GOLM1: variants seen among roughly 807,000 people sequenced by gnomAD.
The protein encoded by GOLM1 is golgi membrane protein 1.
GOLM1 carries 31 observed loss-of-function variants against 50.5 expected under a neutral mutation model. That is an observed-to-expected ratio of 0.61 (90% CI 0.46 to 0.83). The LOEUF (loss-of-function observed/expected upper bound fraction) is 0.83. Among genes scored for constraint, GOLM1 ranks in the 40% least tolerant of loss-of-function variants. The pLI, the probability that GOLM1 is intolerant of heterozygous loss-of-function variation, is 0.00. For synonymous variants in GOLM1, 178 were observed against 192.8 expected (o/e 0.92, Z 0.64); for missense variants, 491 against 501.3 (o/e 0.98, Z 0.20).
intron 3 of GOLM1, among the ~76,000 whole-genome samples, chr9:86,053,708 C>CACACCACACACTCCACACCAGAACACACA (rs1489362007): frequency 1.0e-5 from 1 of 98,730 alleles, no homozygotes; most frequent in African/African-American, 4.2e-5. Flanking sequence ...CATCACATAC[C>CACACCACACACTCCACACCAGAACACACA]CCACCGCATC....
chr9:86,050,600 T>G (rs987372800), intron 4 of GOLM1, among the ~76,000 whole-genome samples: 34 of 152,228 alleles, frequency 2.2e-4, no homozygotes, highest in African/African-American at 7.5e-4. Flanking sequence ...GGAGGGTGTA[T>G]GTGTCCAGGA....
chr9:86,042,153 C>T (rs757372780), intron 5 of GOLM1, among the ~76,000 whole-genome samples: 5 of 152,180 alleles, frequency 3.3e-5, no homozygotes, highest in Non-Finnish European at 5.9e-5. Flanking sequence ...GGAGGACACT[C>T]GGTTGAATTG....
intron 1 of GOLM1, among the ~76,000 whole-genome samples, chr9:86,095,971 C>T (rs758398927): frequency 1.3e-5 from 2 of 152,204 alleles, no homozygotes; most frequent in African/African-American, 4.8e-5. Context: ...AGCTTTCTTA[C>T]TATTTGCATG....
At chr9:86,094,282 G>C (rs1835283153) in intron 1 of GOLM1, among the ~76,000 whole-genome samples, 1 of 152,150 alleles carries the variant, frequency 6.6e-6, no homozygotes, top group African/African-American at 2.4e-5. Context: ...GACCAACTCT[G>C]CCCATAGGGT....
At chr9:86,036,616 C>G in intron 6 of GOLM1, 109 bp from the exon 7 acceptor site, 5 of 1,112,284 alleles carry the variant, frequency 4.5e-6, no homozygotes, top group Non-Finnish European at 6.3e-6. Context: ...CCATATCCTT[C>G]CAACCAAGAC....
rs1431932983 is a variant in GOLM1, at chr9:86,040,743, T to A, written c.593A>T (p.Gln198Leu). Residue 198 changes from glutamine (Q) to leucine (L), a missense_variant, in exon 6 of 10, where the codon CAG becomes CTG. Physicochemically the swap from Gln to Leu is moderately radical, Grantham distance 113. Coordinates refer to ENST00000388712, the MANE Select transcript of GOLM1 (RefSeq NM_016548.4). Reference protein sequence around the residue: ...RDLSENNDQRQQLQALSEPQP... With the variant: ...RDLSENNDQRLQLQALSEPQP... Reference sequence around the variant, plus strand: ...TGGCAAAAATTCCCCAGTTACCTGCTGTCTCTGGTCGTTGTTTTCACTCAG... The same window carrying A: ...TGGCAAAAATTCCCCAGTTACCTGCAGTCTCTGGTCGTTGTTTTCACTCAG... The A allele has an allele frequency of 6.2e-7, 1 of 1,610,722 alleles. No individual in the cohort carries two copies. The highest frequency in any genetic ancestry group is 1.3e-5 in the African/African-American group (1 of 74,656).
At chr9:86,051,605 GA>G (rs1833754941) in intron 4 of GOLM1, among the ~76,000 whole-genome samples, 2 of 152,192 alleles carry the variant, frequency 1.3e-5, no homozygotes, top group Admixed American at 1.3e-4. Flanking sequence ...CTGCCTGAGG[GA>G]AGTGGATCAC....
In GOLM1 at chr9:86,033,368, T is replaced by C. The variant is rs1325368673; in HGVS notation, c.1043A>G (p.Glu348Gly). The change falls in exon 9 of 10, where the codon GAA becomes GGA. Residue 348 changes from glutamate (E) to glycine (G), a missense_variant. Transcript: ENST00000388712. ...EGRNQQKLRG[E>G]DDYNMDENEA... ...ATTTTCATCCATGTTGTAGTCATCT[T>C]CTCCTCTCAGTTTCTGCTGGTTTCT... 3.1e-6 allele frequency: 5 copies of C among 1,611,674 alleles called. No individual in the cohort carries two copies. Among genetic ancestry groups the C allele is most frequent in the Non-Finnish European group, 4.2e-6 (5 of 1,177,764 alleles).
intron 7 of GOLM1, among the ~76,000 whole-genome samples, chr9:86,035,898 A>AAAC (rs1833126523): frequency 6.7e-6 from 1 of 148,408 alleles, no homozygotes; most frequent in African/African-American, 2.5e-5. Context: ...AAAAAAAAAC[A>AAAC]CCTGGACTAA....
intron 3 of GOLM1, among the ~76,000 whole-genome samples, chr9:86,053,626 T>A (rs1833876918): frequency 1.4e-3 from 4 of 2,884 alleles, no homozygotes; most frequent in Non-Finnish European, 2.3e-3. Flanking sequence ...ACACCAAACA[T>A]CACTACAAAA....
At chr9:86,042,499 C>T (rs1229668812) in intron 5 of GOLM1, among the ~76,000 whole-genome samples, 1 of 151,598 alleles carries the variant, frequency 6.6e-6, no homozygotes, top group African/African-American at 2.4e-5. Flanking sequence ...GTACCACACA[C>T]AGAGAAGGGA....
At chr9:86,084,419 C>T (rs1166384406) in intron 1 of GOLM1, among the ~76,000 whole-genome samples, 1 of 152,124 alleles carries the variant, frequency 6.6e-6, no homozygotes, top group East Asian at 1.9e-4. Context: ...TAGGAGGGCA[C>T]GGCACCTCTA....
intron 3 of GOLM1, among the ~76,000 whole-genome samples, chr9:86,055,427 C>T (rs1833957360): frequency 6.6e-6 from 1 of 152,148 alleles, no homozygotes. Flanking sequence ...TCCCACAACC[C>T]CACTTGTGGG....
intron 3 of GOLM1, 60 bp downstream of exon 3, chr9:86,077,352 A>G (rs746731258): frequency 2.5e-5 from 34 of 1,359,600 alleles, no homozygotes; most frequent in Non-Finnish European, 3.6e-5. Flanking sequence ...CCAAGAAGAA[A>G]CAGACAATGT....
intron 9 of GOLM1, among the ~76,000 whole-genome samples, chr9:86,028,842 C>CTA (rs1832872972): frequency 9.4e-6 from 1 of 106,820 alleles, no homozygotes; most frequent in Non-Finnish European, 1.8e-5. Context: ...GATAAGGGAA[C>CTA]TTTTTTTTTT....
chr9:86,088,471 G>C (rs7867070), intron 1 of GOLM1, among the ~76,000 whole-genome samples: 105,039 of 129,298 alleles, frequency 0.81, 43,108 homozygotes, highest in African/African-American at 0.95. Flanking sequence ...GGATAGATAG[G>C]TCTTCTTGTT....
At chr9:86,089,374 C>G (rs1032425018) in intron 1 of GOLM1, among the ~76,000 whole-genome samples, 2 of 152,256 alleles carry the variant, frequency 1.3e-5, no homozygotes, top group East Asian at 3.9e-4. Context: ...CCATTCCCCC[C>G]CTCACTTTCA....
intron 1 of GOLM1, among the ~76,000 whole-genome samples, chr9:86,089,560 C>G (rs1190226617): frequency 6.6e-6 from 1 of 152,084 alleles, no homozygotes; most frequent in African/African-American, 2.4e-5. Flanking sequence ...GCTATTGATA[C>G]TTGCATATGC....
chr9:86,070,976 C>G (rs988557252), intron 3 of GOLM1, among the ~76,000 whole-genome samples: 6 of 152,100 alleles, frequency 3.9e-5, no homozygotes, highest in African/African-American at 1.2e-4. Flanking sequence ...TACTTAACGT[C>G]CAGGTGTATC....
Sources: allele counts gnomAD v4.1 joint callset (sites outside exome capture counted in the v4.1 genomes callset), GRCh38; gene constraint gnomAD v4.1.1; transcripts MANE v1.5; gene names NCBI Gene and HGNC (gene_info 2026-07-23, HGNC 2026-07-21).